LILRA1: variants seen among roughly 807,000 people sequenced by gnomAD.
The protein encoded by LILRA1 is leukocyte immunoglobulin like receptor A1.
Under a neutral mutation model 51.6 loss-of-function variants are expected in LILRA1, and 51 were observed. The observed-to-expected ratio is 0.99, with a 90% CI of 0.79 to 1.25. LILRA1 has a LOEUF of 1.25. Among genes scored for constraint, LILRA1 ranks in the 50% most tolerant of loss-of-function variants. The pLI is 0.00. For synonymous variants in LILRA1, 305 were observed against 248.4 expected (o/e 1.23, Z -2.14); for missense variants, 660 against 611.7 (o/e 1.08, Z -0.83).
rs776802122 is a variant in LILRA1, at chr19:54,595,327, A to G, written c.586A>G (p.Arg196Gly). The G allele has an allele frequency of 5.6e-6, 9 of 1,613,970 alleles. No homozygotes were observed. Among genetic ancestry groups the G allele is most frequent in the Admixed American group, 3.3e-5 (2 of 60,000 alleles). ...PVSPSRRWSY[R>G]CYAYDSNSPH... ...GAGCCCGAGTCGCAGGTGGTCGTAC[A>G]GGTGCTATGCTTATGACTCGAACTC... The change falls in exon 5 of 10, where the codon AGG becomes GGG. Residue 196 changes from arginine (R) to glycine (G), a missense_variant. Coordinates refer to ENST00000251372, the MANE Select transcript of LILRA1 (RefSeq NM_006863.4).
At chr19:54,597,022 G>A (rs905777657) in intron 7 of LILRA1, among the ~76,000 whole-genome samples, 2 of 54,566 alleles carry the variant, frequency 3.7e-5, no homozygotes, top group Non-Finnish European at 9.9e-5. Context: ...GGGAGGAGAT[G>A]GGGGTGAACC....
intron 7 of LILRA1, among the ~76,000 whole-genome samples, chr19:54,598,945 G>A (rs1307374471): frequency 1.3e-5 from 2 of 151,858 alleles, no homozygotes; most frequent in East Asian, 1.9e-4. Context: ...ACAGGCGCCC[G>A]CCACCATGCC....
chr19:54,599,303 T>C lies in LILRA1; in HGVS notation c.1312+17T>C, dbSNP rs1167544355. The C allele has an allele frequency of 1.3e-6, 2 of 1,560,742 alleles. No homozygotes were observed. The highest frequency in any genetic ancestry group is 2.7e-5 in the African/African-American group (2 of 73,462). Reference sequence around the variant, plus strand: ...CCAAGGCTGGTGAGTGAGGAGATGCTTGCCGTGATGACGCTGGGCACAGAG... The same window carrying C: ...CCAAGGCTGGTGAGTGAGGAGATGCCTGCCGTGATGACGCTGGGCACAGAG... On this transcript the variant is annotated intron_variant, in intron 8 of 9. Coordinates refer to ENST00000251372, the MANE Select transcript of LILRA1 (RefSeq NM_006863.4).
At chr19:54,594,374 G>A (rs1192589408) in intron 2 of LILRA1, 67 bp from the exon 3 acceptor site, 2 of 1,614,160 alleles carry the variant, frequency 1.2e-6, no homozygotes, top group Non-Finnish European at 1.7e-6. Flanking sequence ...GGCTCACAAA[G>A]ATCCCAGGGA....
At chr19:54,600,467 G>A (rs369848295) in intron 8 of LILRA1, 45 bp from the exon 9 acceptor site, 61 of 1,601,890 alleles carry the variant, frequency 3.8e-5, no homozygotes, top group Non-Finnish European at 5.1e-5. Context: ...CAGAGCCCAG[G>A]GGAGAGGCTG....
intron 1 of LILRA1, 56 bp from the exon 2 acceptor site, chr19:54,594,141 A>C: frequency 6.6e-7 from 1 of 1,511,830 alleles, no homozygotes. Flanking sequence ...CCGAGTGTCC[A>C]CACTGGGTGG....
In LILRA1 at chr19:54,596,490, A is replaced by G; in HGVS notation, c.1260A>G (p.Ser420=). The stretch of plus-strand genomic sequence containing the variant: ...GTGACTCCCTGGAGCTCATGGTCTC[A>G]GGTGAGGGCCCTGACCCTGTCCTCT... ...HPSDSLELMV[S]GAAETLSPPQ... is the part of the protein sequence containing the mutation. The change falls in exon 7 of 10, where the codon TCA becomes TCG. Residue 420 remains serine, a splice_region_variant and synonymous_variant. Coordinates refer to ENST00000251372, the MANE Select transcript of LILRA1 (RefSeq NM_006863.4). 6.2e-7 allele frequency: 1 copy of G among 1,614,088 alleles called. No individual in the cohort carries two copies. Among genetic ancestry groups the G allele is most frequent in the Non-Finnish European group, 8.5e-7 (1 of 1,180,022 alleles).
Position 54,600,816 on chromosome 19 carries a change from G to A in LILRA1, c.1469G>A (p.Ter490=). ...GCTCAGCACAGCCAGAGAAGCCTCT[G>A]AGATGCAGCCGGGAGGTGAACAGCA... ...FEAQHSQRSL[*] Residue 490 remains the stop codon, a stop_retained_variant, in exon 10 of 10, where the codon TGA becomes TAA. Transcript: ENST00000251372. 2 of 1,614,106 alleles carry A rather than the reference G, an allele frequency of 1.2e-6. No individual in the cohort carries two copies. Among genetic ancestry groups the A allele is most frequent in the Non-Finnish European group, 8.5e-7 (1 of 1,179,952 alleles).
chr19:54,595,775 C>G lies in LILRA1; in HGVS notation c.798C>G (p.Leu266=). The G allele has an allele frequency of 6.2e-7, 1 of 1,614,168 alleles. No individual in the cohort carries two copies. ...VLYKEGERDF[L]QLPGPQPQAG... Reference sequence around the variant, plus strand: ...ATAAGGAGGGAGAACGTGACTTCCTCCAGCTCCCTGGCCCACAGCCCCAGG... The same window carrying G: ...ATAAGGAGGGAGAACGTGACTTCCTGCAGCTCCCTGGCCCACAGCCCCAGG... The change falls in exon 6 of 10, where the codon CTC becomes CTG. Residue 266 remains leucine (L), a synonymous_variant. Transcript: ENST00000251372.
At position 54,596,289 on chromosome 19, in the gene LILRA1, C is replaced by A; in HGVS notation, c.1059C>A (p.His353Gln). The A allele has an allele frequency of 6.2e-7, 1 of 1,614,150 alleles. No homozygotes were observed. Among genetic ancestry groups the A allele is most frequent in the Non-Finnish European group, 8.5e-7 (1 of 1,180,028 alleles). ...TLLCQSWGPF[H>Q]TFLLTKAGAA... ...TGTGTCAGTCATGGGGGCCGTTCCACACTTTCCTTCTGACCAAGGCGGGAG... is the reference window on the plus strand; with the variant it reads ...TGTGTCAGTCATGGGGGCCGTTCCAAACTTTCCTTCTGACCAAGGCGGGAG... Residue 353 changes from histidine (H) to glutamine (Q), a missense_variant, in exon 7 of 10, where the codon CAC (histidine) becomes CAA (glutamine). By Grantham distance (24) the His-to-Gln change is conservative. Transcript: ENST00000251372.
rs368541946 is a variant in LILRA1, at chr19:54,596,282, C to A, written c.1052C>A (p.Pro351Gln). ...NVTLLCQSWGPFHTFLLTKAG... is the reference protein window; with the variant it reads ...NVTLLCQSWGQFHTFLLTKAG... The stretch of plus-strand genomic sequence containing the variant: ...ACCCTGCTGTGTCAGTCATGGGGGC[C>A]GTTCCACACTTTCCTTCTGACCAAG... The change falls in exon 7 of 10, where the codon CCG becomes CAG. Residue 351 changes from proline to glutamine, a missense_variant. Pro to Gln is a moderately conservative substitution (Grantham distance 76). Coordinates refer to ENST00000251372, the MANE Select transcript of LILRA1 (RefSeq NM_006863.4). 17 of 1,612,740 alleles carry A rather than the reference C, an allele frequency of 1.1e-5. No individual in the cohort carries two copies. The highest frequency in any genetic ancestry group is 6.7e-5 in the East Asian group (3 of 44,846).
At position 54,595,418 on chromosome 19, in the gene LILRA1, C is replaced by T. The variant is rs436939; in HGVS notation, c.661+16C>T. 3.8e-6 allele frequency: 6 copies of T among 1,595,500 alleles called. No individual in the cohort carries two copies. In the Admixed American group the frequency reaches 1.0e-4, roughly 28 times the overall value. On this transcript the variant is annotated intron_variant, in intron 5 of 9. Coordinates refer to ENST00000251372, the MANE Select transcript of LILRA1 (RefSeq NM_006863.4). The stretch of plus-strand genomic sequence containing the variant: ...CTGGTCCTAGGTGAGAAATTCACAG[C>T]ATTGCCTGGAGTTCCCTGAGTCTCC...
intron 5 of LILRA1, 114 bp downstream of exon 5, chr19:54,595,516 G>A (rs1600264638): frequency 2.0e-5 from 31 of 1,539,376 alleles, no homozygotes; most frequent in Middle Eastern, 3.7e-4. Context: ...GGGGCGAGAG[G>A]GCTCAGGGCT....
chr19:54,599,128 C>A, intron 7 of LILRA1, 108 bp from the exon 8 acceptor site: 1 of 1,288,416 alleles, frequency 7.8e-7, no homozygotes, highest in Admixed American at 2.3e-5. Flanking sequence ...CCCAGGACAC[C>A]CACCTCTCCT....
chr19:54,594,913 T>A lies in LILRA1; in HGVS notation c.319T>A (p.Trp107Arg), dbSNP rs2062998413. 1.2e-6 allele frequency: 2 copies of A among 1,610,744 alleles called. No homozygotes were observed. ...RCFYGSHTAGWSEPSDPLELV... is the reference protein window; with the variant it reads ...RCFYGSHTAGRSEPSDPLELV... Reference sequence around the variant, plus strand: ...TTTCTACGGTAGCCACACTGCAGGCTGGTCAGAGCCCAGTGACCCCCTGGA... The same window carrying A: ...TTTCTACGGTAGCCACACTGCAGGCAGGTCAGAGCCCAGTGACCCCCTGGA... The change falls in exon 4 of 10, where the codon TGG becomes AGG. Residue 107 changes from tryptophan (W) to arginine (R), a missense_variant. By Grantham distance (101) the Trp-to-Arg change is moderately radical. Coordinates refer to ENST00000251372, the MANE Select transcript of LILRA1 (RefSeq NM_006863.4).
rs368541946 is a variant in LILRA1 at position 54,596,282 on chromosome 19, C to G, written c.1052C>G (p.Pro351Arg). ...ACCCTGCTGTGTCAGTCATGGGGGC[C>G]GTTCCACACTTTCCTTCTGACCAAG... Reference protein sequence around the residue: ...NVTLLCQSWGPFHTFLLTKAG... With the variant: ...NVTLLCQSWGRFHTFLLTKAG... The change falls in exon 7 of 10, where the codon CCG (proline) becomes CGG (arginine). Residue 351 changes from proline (P) to arginine (R), a missense_variant. Transcript: ENST00000251372. The G allele has an allele frequency of 5.6e-6, 9 of 1,612,744 alleles. No individual in the cohort carries two copies. The South Asian group carries it at 7.7e-5, about 14-fold the overall frequency.
chr19:54,597,679 C>T (rs2063088117), intron 7 of LILRA1, among the ~76,000 whole-genome samples: 8 of 151,894 alleles, frequency 5.3e-5, no homozygotes, highest in Admixed American at 6.5e-5. Flanking sequence ...CAGACGGTCC[C>T]TTGGCAGCTC....
chr19:54,596,356 C>T lies in LILRA1; in HGVS notation c.1126C>T (p.Pro376Ser), dbSNP rs556893686. ...PLRLRSIHEYPKYQAEFPMSP... is the reference protein window; with the variant it reads ...PLRLRSIHEYSKYQAEFPMSP... Reference sequence around the variant, plus strand: ...CCGTCTCAGATCAATACACGAATATCCTAAGTACCAGGCTGAATTCCCTAT... The same window carrying T: ...CCGTCTCAGATCAATACACGAATATTCTAAGTACCAGGCTGAATTCCCTAT... Residue 376 changes from proline to serine, a missense_variant, in exon 7 of 10, where the codon CCT becomes TCT. Physicochemically the swap from Pro to Ser is moderately conservative, Grantham distance 74. Transcript: ENST00000251372. 18 of 1,614,086 alleles carry T rather than the reference C, an allele frequency of 1.1e-5. No homozygotes were observed. The African/African-American group carries it at 2.1e-4, about 19-fold the overall frequency.
In LILRA1 at chr19:54,594,281, G is replaced by T. The variant is rs745879401; in HGVS notation, c.34+3G>T. The T allele has an allele frequency of 6.2e-7, 1 of 1,612,610 alleles. No individual in the cohort carries two copies. The highest frequency in any genetic ancestry group is 1.1e-5 in the South Asian group (1 of 90,894). ...CGTCACAGTCCTGATCTGTCTCAGT[G>T]AGATTTGAAGAGGGAGGGGAGCTTC... is the stretch of plus-strand genomic sequence containing the variant. On this transcript the variant is annotated splice_donor_region_variant and intron_variant, in intron 2 of 9. Transcript: ENST00000251372.
Sources: allele counts gnomAD v4.1 joint callset (sites outside exome capture counted in the v4.1 genomes callset), GRCh38; gene constraint gnomAD v4.1.1; transcripts MANE v1.5; gene names NCBI Gene and HGNC (gene_info 2026-07-23, HGNC 2026-07-21).